Variants in DMD observed in about 807,000 individuals in gnomAD.
The protein encoded by DMD is mutant dystrophin.
DMD carries 63 observed loss-of-function variants against 330.1 expected under a neutral mutation model. That is an observed-to-expected ratio of 0.19 (90% CI 0.16 to 0.24). The LOEUF (loss-of-function observed/expected upper bound fraction) is 0.24. Ranked by LOEUF, DMD falls within the 10% of genes least tolerant of loss-of-function variation. The pLI is 1.00. For synonymous variants in DMD, 1,223 were observed against 959.8 expected (o/e 1.27, Z -5.07); for missense variants, 3,344 against 2,684.1 (o/e 1.25, Z -5.43).
chrX:32,462,783 C>CTG (rs1184726804), intron 25 of DMD, among the ~76,000 whole-genome samples: 2 of 110,352 alleles, frequency 1.8e-5, no homozygotes, highest in African/African-American at 3.3e-5. Context: ...CAGCAAGACC[C>CTG]TGTCTCTACC....
intron 37 of DMD, among the ~76,000 whole-genome samples, chrX:32,355,810 T>C (rs1356533369): frequency 9.0e-6 from 1 of 111,235 alleles, no homozygotes; most frequent in Admixed American, 9.6e-5. Context: ...TATTTAATGC[T>C]CTACAAATTA....
rs191595864 is a variant in DMD at position 33,186,947 on chromosome X, A to G, written c.31+24335T>C. On this transcript the variant is annotated intron_variant, in intron 1 of 78. Transcript: ENST00000357033. ...ACAACATTTTGCTTTTCATTTCCATATATCTTAAGTATACATCTGAAAGCT... is the reference window on the plus strand; with the variant it reads ...ACAACATTTTGCTTTTCATTTCCATGTATCTTAAGTATACATCTGAAAGCT... Among the ~76,000 whole-genome samples the G allele has an allele frequency of 5.6e-4, 63 of 112,175 alleles. No homozygotes were observed. The Middle Eastern group carries it at 0.014, about 25-fold the overall frequency.
At chrX:32,990,662 G>C (rs1049354849) in intron 2 of DMD, among the ~76,000 whole-genome samples, 2 of 111,469 alleles carry the variant, frequency 1.8e-5, no homozygotes, top group Admixed American at 1.9e-4. Context: ...ACAACCACCT[G>C]AACTGTGATC....
intron 3 of DMD, among the ~76,000 whole-genome samples, chrX:32,846,624 C>G (rs371255228): frequency 9.3e-6 from 1 of 107,080 alleles, no homozygotes; most frequent in African/African-American, 3.4e-5. Context: ...ATTTTTACCT[C>G]TTAGATTTTC....
At chrX:31,202,605 C>A (rs945471231) in intron 67 of DMD, among the ~76,000 whole-genome samples, 1 of 111,967 alleles carries the variant, frequency 8.9e-6, no homozygotes, top group Admixed American at 9.4e-5. Context: ...GCCCAGGAAA[C>A]CTTCTATAGT....
At chrX:32,750,017 G>GA (rs1420716732) in intron 7 of DMD, among the ~76,000 whole-genome samples, 1 of 112,027 alleles carries the variant, frequency 8.9e-6, no homozygotes, top group Non-Finnish European at 1.9e-5. Flanking sequence ...TCCATTGGAT[G>GA]AAAAAACAGA....
intron 13 of DMD, among the ~76,000 whole-genome samples, chrX:32,579,080 A>C (rs2053372766): frequency 9.0e-6 from 1 of 111,634 alleles, no homozygotes; most frequent in Admixed American, 9.6e-5. Flanking sequence ...TATGAGGCAG[A>C]AATGTGGCAG....
intron 61 of DMD, 145 bp downstream of exon 61, chrX:31,348,411 G>T: frequency 1.7e-6 from 1 of 596,765 alleles, no homozygotes; most frequent in Non-Finnish European, 2.8e-6. Flanking sequence ...TATCAACCAA[G>T]TTATATTTCA....
At chrX:32,603,385 C>T (rs757815767) in intron 12 of DMD, among the ~76,000 whole-genome samples, 1 of 111,233 alleles carries the variant, frequency 9.0e-6, no homozygotes, top group South Asian at 3.7e-4. Context: ...AAATTTATAG[C>T]ATTAACTGCC....
At chrX:32,345,834 G>T in intron 39 of DMD, 109 bp downstream of exon 39, 2 of 791,450 alleles carry the variant, frequency 2.5e-6, no homozygotes, top group Non-Finnish European at 3.5e-6. Flanking sequence ...GAAAAAGTGA[G>T]TTTCTGATGA....
At chrX:32,674,150 A>G (rs898542054) in intron 9 of DMD, among the ~76,000 whole-genome samples, 1 of 112,091 alleles carries the variant, frequency 8.9e-6, no homozygotes, top group Admixed American at 9.5e-5. Flanking sequence ...AGTGCAGGAT[A>G]TAATATCTGT....
In DMD at chrX:32,380,966, T is replaced by C. The variant is rs769717679; in HGVS notation, c.4675-286A>G. On this transcript the variant is annotated intron_variant, in intron 33 of 78. Coordinates refer to ENST00000357033, the MANE Select transcript of DMD (RefSeq NM_004006.3). ...TAAGATAATTTATAGCCAAAGTTTATGATAAATACAATGATATAAGTCAAA... is the reference window on the plus strand; with the variant it reads ...TAAGATAATTTATAGCCAAAGTTTACGATAAATACAATGATATAAGTCAAA... 7.4e-4 allele frequency among the ~76,000 whole-genome samples: 82 copies of C among 110,856 alleles called. No homozygotes were observed. The highest frequency in any genetic ancestry group is 1.2e-3 in the Non-Finnish European group (65 of 52,784).
chrX:32,822,611 AT>A (rs1313439211), intron 5 of DMD, among the ~76,000 whole-genome samples: 30 of 110,249 alleles, frequency 2.7e-4, no homozygotes, highest in Middle Eastern at 4.8e-3. Flanking sequence ...ATATACATAT[AT>A]AATGTGTGGA....
rs2076794273 is a variant in DMD at position 31,589,938 on chromosome X, A to G, written c.8217+37735T>C. ...AAATAAACTCAATGCCTCCCAAAAT[A>G]AATACATAATTGTCAGAGTTTGTAA... On this transcript the variant is annotated intron_variant, in intron 55 of 78. Coordinates refer to ENST00000357033, the MANE Select transcript of DMD (RefSeq NM_004006.3). 5.4e-5 allele frequency among the ~76,000 whole-genome samples: 6 copies of G among 111,456 alleles called. No homozygotes were observed. The South Asian group carries it at 2.2e-3, about 42-fold the overall frequency.
Position 31,384,524 on chromosome X carries a change from A to G in DMD, c.9085-35890T>C, listed in dbSNP as rs1159338064. ...AAATGTAGACTCATTTCCCCCATGC[A>G]GGTTTGTTGTTTTTGAGGAAAGAAA... is the stretch of plus-strand genomic sequence containing the variant. On this transcript the variant is annotated intron_variant, in intron 60 of 78. Coordinates refer to ENST00000357033, the MANE Select transcript of DMD (RefSeq NM_004006.3). Among the ~76,000 whole-genome samples the G allele has an allele frequency of 5.4e-5, 6 of 111,709 alleles. No individual in the cohort carries two copies. In the Admixed American group the frequency reaches 5.7e-4, roughly 11 times the overall value.
chrX:33,038,591 G>A (rs914972909), intron 1 of DMD, among the ~76,000 whole-genome samples: 1 of 111,991 alleles, frequency 8.9e-6, no homozygotes, highest in Non-Finnish European at 1.9e-5. Flanking sequence ...CACCTGCCTC[G>A]ATGTGTTCAA....
chrX:32,042,142 C>A (rs12846290), intron 44 of DMD, among the ~76,000 whole-genome samples: 1 of 81,672 alleles, frequency 1.2e-5, no homozygotes, highest in Non-Finnish European at 2.4e-5. Context: ...TATATACATA[C>A]ATATATACAT....
intron 1 of DMD, among the ~76,000 whole-genome samples, chrX:33,314,626 T>C (rs1209387775): frequency 3.1e-5 from 3 of 95,249 alleles, no homozygotes; most frequent in Non-Finnish European, 6.1e-5. Context: ...AAGGTGTCAA[T>C]GGGGCGCTGT....
chrX:31,726,329 C>T (rs1223446347), intron 52 of DMD, among the ~76,000 whole-genome samples: 3 of 111,966 alleles, frequency 2.7e-5, no homozygotes, highest in Non-Finnish European at 3.8e-5. Flanking sequence ...TGATAGACTG[C>T]AATAACTATG....
Sources: allele counts gnomAD v4.1 joint callset (sites outside exome capture counted in the v4.1 genomes callset), GRCh38; gene constraint gnomAD v4.1.1; transcripts MANE v1.5; gene names NCBI Gene and HGNC (gene_info 2026-07-23, HGNC 2026-07-21).